Variants in NSG1 observed in about 807,000 individuals in gnomAD.
NSG1 encodes neuronal vesicle trafficking associated 1.
Under a neutral mutation model 19.3 loss-of-function variants are expected in NSG1, and 9 were observed. The ratio of observed to expected loss-of-function variants is 0.47; its 90% CI spans 0.28 to 0.81. The LOEUF is 0.81. Among genes scored for constraint, NSG1 ranks in the 40% least tolerant of loss-of-function variants. The pLI, the probability that NSG1 is intolerant of heterozygous loss-of-function variation, is 0.11. For missense variants in NSG1, 236 were observed against 242.4 expected (o/e 0.97, Z 0.18); for synonymous variants, 104 against 107.0 (o/e 0.97, Z 0.17).
rs1331233492 is a variant in NSG1 at position 4,417,266 on chromosome 4, G to A, written c.389G>A (p.Ser130Asn). The change falls in exon 5 of 5, where the codon AGC (serine) becomes AAC (asparagine). Residue 130 changes from serine (S) to asparagine (N), a missense_variant. Transcript: ENST00000621129. ...NTQCIPEGLESYYAEQDSSAR... is the reference protein window; with the variant it reads ...NTQCIPEGLENYYAEQDSSAR... ...CAGTGCATCCCAGAAGGCTTGGAGA[G>A]CTACTACGCGGAGCAAGACTCCAGT... 3.1e-6 allele frequency: 5 copies of A among 1,614,168 alleles called. No homozygotes were observed. The highest frequency in any genetic ancestry group is 1.7e-6 in the Non-Finnish European group (2 of 1,180,038).
At chr4:4,415,991 A>G (rs887190793) in intron 4 of NSG1, 9 of 663,766 alleles carry the variant, frequency 1.4e-5, no homozygotes, top group Non-Finnish European at 2.2e-5. Context: ...GACTGAGATC[A>G]AGACGCTGTT....
At position 4,402,051 on chromosome 4, in the gene NSG1, T is replaced by G. The variant is rs943990069; in HGVS notation, c.247-7522T>G. Among the ~76,000 whole-genome samples the G allele has an allele frequency of 4.9e-3, 701 of 141,734 alleles. 31 individuals carry two copies. In the East Asian group the frequency reaches 0.12, roughly 25 times the overall value. The allele number at this position is 141,734 out of a possible 152,430, so 93.0% of individuals were successfully genotyped here. On this transcript the variant is annotated intron_variant, in intron 3 of 4. Transcript: ENST00000621129. Reference sequence around the variant, plus strand: ...GCTTACCCCCATGCCCAGCTAATTTTTTTTTTTTTTTTTTTTTGGCAGAAA... The same window carrying G: ...GCTTACCCCCATGCCCAGCTAATTTGTTTTTTTTTTTTTTTTTGGCAGAAA...
intron 3 of NSG1, among the ~76,000 whole-genome samples, chr4:4,407,124 T>C (rs755746350): frequency 1.1e-4 from 17 of 152,152 alleles, no homozygotes; most frequent in Non-Finnish European, 2.1e-4. Flanking sequence ...ACAGGCTCCA[T>C]ATGCACTGTA....
intron 3 of NSG1, among the ~76,000 whole-genome samples, chr4:4,404,131 C>G (rs1430520960): frequency 6.6e-6 from 1 of 152,240 alleles, no homozygotes. Flanking sequence ...TGGCCGCCAC[C>G]TCTCTTTTTG....
chr4:4,411,952 GTAT>G (rs1724228428), intron 4 of NSG1, among the ~76,000 whole-genome samples: 1 of 152,100 alleles, frequency 6.6e-6, no homozygotes, highest in Non-Finnish European at 1.5e-5. Context: ...TCACTGTCAA[GTAT>G]TATGTTCTGT....
rs1724154236 is a variant in NSG1 at position 4,411,096 on chromosome 4, T to C, written c.357+1413T>C. ...GTCTCGAACTCCTGACCTCAGGTGATCCACCCACCTCGGCCTCCCAAAGTG... is the reference window on the plus strand; with the variant it reads ...GTCTCGAACTCCTGACCTCAGGTGACCCACCCACCTCGGCCTCCCAAAGTG... On this transcript the variant is annotated intron_variant, in intron 4 of 4. Coordinates refer to ENST00000621129, the MANE Select transcript of NSG1 (RefSeq NM_014392.5). Among the ~76,000 whole-genome samples the C allele has an allele frequency of 2.6e-5, 4 of 152,270 alleles. No homozygotes were observed. In the South Asian group the frequency reaches 8.3e-4, roughly 32 times the overall value.
intron 3 of NSG1, among the ~76,000 whole-genome samples, chr4:4,404,967 G>A (rs1011137473): frequency 1.3e-5 from 2 of 152,094 alleles, no homozygotes; most frequent in Non-Finnish European, 2.9e-5. Context: ...AACAAGTATG[G>A]GGGAGGGGAG....
At chr4:4,393,595 A>G (rs2108727403) in intron 3 of NSG1, among the ~76,000 whole-genome samples, 1 of 152,370 alleles carries the variant, frequency 6.6e-6, no homozygotes, top group Non-Finnish European at 1.5e-5. Flanking sequence ...GGTGCTCAGT[A>G]CATGACTATA....
At chr4:4,387,561 C>CCGGGGGTGGGGGGG in intron 1 of NSG1, 43 bp from the exon 2 acceptor site, 10 of 1,141,966 alleles carry the variant, frequency 8.8e-6, no homozygotes, top group Non-Finnish European at 7.5e-6. Context: ...CGCCCCGCCC[C>CCGGGGGTGGGGGGG]GGGTCTTGCT....
intron 4 of NSG1, among the ~76,000 whole-genome samples, chr4:4,411,573 G>C (rs1466383838): frequency 6.6e-6 from 1 of 152,082 alleles, no homozygotes; most frequent in Non-Finnish European, 1.5e-5. Flanking sequence ...GTGAAACACC[G>C]TCTCTACTAA....
Position 4,402,298 on chromosome 4 carries a change from C to T in NSG1, c.247-7275C>T, listed in dbSNP as rs114811613. On this transcript the variant is annotated intron_variant, in intron 3 of 4. Coordinates refer to ENST00000621129, the MANE Select transcript of NSG1 (RefSeq NM_014392.5). ...TTGGCTCACTATAACTTCTATCTCCCGGGTTCGAATGATTCTTCTGCCTCA... is the reference window on the plus strand; with the variant it reads ...TTGGCTCACTATAACTTCTATCTCCTGGGTTCGAATGATTCTTCTGCCTCA... Among the ~76,000 whole-genome samples, 367 of 149,882 alleles carry T rather than the reference C, an allele frequency of 2.4e-3. 1 individual carries two copies. Among genetic ancestry groups the T allele is most frequent in the African/African-American group, 8.2e-3 (333 of 40,804 alleles).
chr4:4,404,263 G>C (rs1723729920), intron 3 of NSG1, among the ~76,000 whole-genome samples: 1 of 152,244 alleles, frequency 6.6e-6, no homozygotes, highest in Non-Finnish European at 1.5e-5. Context: ...ACGGTCTCCA[G>C]CTTCTGCCCA....
chr4:4,411,658 C>T (rs1331302357), intron 4 of NSG1, among the ~76,000 whole-genome samples: 1 of 152,138 alleles, frequency 6.6e-6, no homozygotes, highest in African/African-American at 2.4e-5. Context: ...GCAGGAGAAT[C>T]GCTTGAACCC....
chr4:4,409,393 C>G (rs986198029), intron 3 of NSG1, among the ~76,000 whole-genome samples, 180 bp from the exon 4 acceptor site: 1 of 152,210 alleles, frequency 6.6e-6, no homozygotes, highest in African/African-American at 2.4e-5. Flanking sequence ...TAAAATGTTA[C>G]CAAAAAATTG....
At chr4:4,393,299 C>G (rs1014038126) in intron 3 of NSG1, among the ~76,000 whole-genome samples, 2 of 152,212 alleles carry the variant, frequency 1.3e-5, no homozygotes, top group African/African-American at 4.8e-5. Flanking sequence ...AGCCTCTGTC[C>G]CCGACCTCTG....
chr4:4,401,323 C>T (rs1414606345), intron 3 of NSG1, among the ~76,000 whole-genome samples: 2 of 152,150 alleles, frequency 1.3e-5, no homozygotes, highest in Non-Finnish European at 2.9e-5. Flanking sequence ...TTCCTGGGGT[C>T]CTGAAACACC....
In NSG1 at chr4:4,392,683, C is replaced by CT. The variant is rs150229482; in HGVS notation, c.246+1093dup. Among the ~76,000 whole-genome samples the CT allele has an allele frequency of 5.4e-3, 822 of 152,372 alleles. 4 individuals are homozygous for CT. Among genetic ancestry groups the CT allele is most frequent in the South Asian group, 0.02 (95 of 4,832 alleles). On this transcript the variant is annotated intron_variant, in intron 3 of 4. Transcript: ENST00000621129. ...CCTTCTTCCCGTTGCCACACACTGCCTGTCAGGGCCTGCCTGGTCCAGCGG... is the reference window on the plus strand; with the variant it reads ...CCTTCTTCCCGTTGCCACACACTGCCTTGTCAGGGCCTGCCTGGTCCAGCGG...
chr4:4,414,889 C>G (rs984939432), intron 4 of NSG1, among the ~76,000 whole-genome samples: 1 of 151,740 alleles, frequency 6.6e-6, no homozygotes, highest in Non-Finnish European at 1.5e-5. Context: ...TGAGGCATAT[C>G]GTGAGGAGGG....
At chr4:4,405,679 G>T (rs897473667) in intron 3 of NSG1, among the ~76,000 whole-genome samples, 4 of 152,224 alleles carry the variant, frequency 2.6e-5, no homozygotes, top group Admixed American at 1.3e-4. Flanking sequence ...GCACAGGGCA[G>T]GGGGAAGAGA....
Sources: allele counts gnomAD v4.1 joint callset (sites outside exome capture counted in the v4.1 genomes callset), GRCh38; gene constraint gnomAD v4.1.1; transcripts MANE v1.5; gene names NCBI Gene and HGNC (gene_info 2026-07-23, HGNC 2026-07-21).